Variants in ZNF652 observed in about 807,000 individuals in gnomAD.
The protein encoded by ZNF652 is zinc finger protein 652.
In ZNF652, 16 loss-of-function variants were observed where a neutral mutation model predicts 45.2. The ratio of observed to expected loss-of-function variants is 0.35; its 90% CI spans 0.24 to 0.54. The LOEUF (loss-of-function observed/expected upper bound fraction) is 0.54, where lower values mean the gene tolerates loss of function less well. Among genes scored for constraint, ZNF652 ranks in the 20% least tolerant of loss-of-function variants. ZNF652 has a pLI of 0.91. For synonymous variants in ZNF652, 250 were observed against 260.6 expected, an observed-to-expected ratio of 0.96 and a Z score of 0.39; for missense variants, 614 against 765.6, an observed-to-expected ratio of 0.80 and a Z score of 2.34.
At chr17:49,307,450 A>G (rs567782784) in intron 5 of ZNF652, among the ~76,000 whole-genome samples, 158 of 146,708 alleles carry the variant, frequency 1.1e-3, no homozygotes, top group African/African-American at 3.9e-3. Context: ...AAAAAAAAAA[A>G]AAAAAAAAAG....
intron 2 of ZNF652, among the ~76,000 whole-genome samples, chr17:49,313,484 G>C (rs2069747785): frequency 6.6e-6 from 1 of 152,082 alleles, no homozygotes; most frequent in Non-Finnish European, 1.5e-5. Context: ...AACAGAAGTT[G>C]CAAGACATTC....
At position 49,291,090 on chromosome 17, in the gene ZNF652, G is replaced by A. The variant is rs1300912283; in HGVS notation, c.*7323C>T. ...GTAAACACCAAAATTATGTCACACT[G>A]TTTCTTTTTAAACTAATGAATTGAA... On this transcript the variant is annotated 3_prime_UTR_variant, in exon 6 of 6. Coordinates refer to ENST00000430262, the MANE Select transcript of ZNF652 (RefSeq NM_001145365.3). The A allele has an allele frequency of 6.6e-6, 1 of 152,180 alleles. No individual in the cohort carries two copies. The highest frequency in any genetic ancestry group is 2.4e-5 in the African/African-American group (1 of 41,444). 9.4% of individuals were successfully genotyped at this position (152,180 alleles called of 1,614,324 possible).
chr17:49,311,425 T>C lies in ZNF652; in HGVS notation c.1196A>G (p.Gln399Arg). 6.2e-7 allele frequency: 1 copy of C among 1,614,196 alleles called. No homozygotes were observed. Among genetic ancestry groups the C allele is most frequent in the Non-Finnish European group, 8.5e-7 (1 of 1,180,008 alleles). Residue 399 changes from glutamine to arginine, a missense_variant, in exon 5 of 6, where the codon CAG becomes CGG. By Grantham distance (43) the Gln-to-Arg change is conservative (BLOSUM62 1). Around this residue, in one of 5 missense-constraint regions of ZNF652, gnomAD observed 81 missense variants for 167.0 expected, o/e 0.48. Coordinates refer to ENST00000430262, the MANE Select transcript of ZNF652 (RefSeq NM_001145365.3). Reference sequence around the variant, plus strand: ...ATGAATGCTCATGTGGGAGCGTAGCTGGTACTTGTACTGAAACCTTTCGTC... The same window carrying C: ...ATGAATGCTCATGTGGGAGCGTAGCCGGTACTTGTACTGAAACCTTTCGTC... ...NCDERFQYKY[Q>R]LRSHMSIHIG...
intron 1 of ZNF652, among the ~76,000 whole-genome samples, chr17:49,335,317 G>A (rs1331459015): frequency 6.6e-6 from 1 of 152,112 alleles, no homozygotes; most frequent in African/African-American, 2.4e-5. Flanking sequence ...GGCTCTATTT[G>A]GAACTCTTCC....
intron 1 of ZNF652, among the ~76,000 whole-genome samples, chr17:49,326,133 C>T (rs991668134): frequency 4.6e-5 from 7 of 151,126 alleles, no homozygotes; most frequent in African/African-American, 1.7e-4. Context: ...TAAGTATGGG[C>T]CAGGTACAGT....
At position 49,296,466 on chromosome 17, in the gene ZNF652, A is replaced by T. The variant is rs1339531114; in HGVS notation, c.*1947T>A. 2 of 152,654 alleles carry T rather than the reference A, an allele frequency of 1.3e-5. No individual in the cohort carries two copies. The highest frequency in any genetic ancestry group is 3.8e-4 in the East Asian group (2 of 5,206). The allele number at this position is 152,654 out of a possible 1,614,324, so 9.5% of individuals were successfully genotyped here. ...CATTAGTTAGAAAAGTGCTCGAAGC[A>T]TATCTGCACATTTAATATTAAAAAT... On this transcript the variant is annotated 3_prime_UTR_variant, in exon 6 of 6. Coordinates refer to ENST00000430262, the MANE Select transcript of ZNF652 (RefSeq NM_001145365.3).
intron 1 of ZNF652, among the ~76,000 whole-genome samples, chr17:49,333,144 G>A (rs1321049809): frequency 4.0e-5 from 6 of 151,524 alleles, no homozygotes; most frequent in African/African-American, 9.7e-5. Context: ...TGCAAGCTCC[G>A]TCTCCTGGGT....
Position 49,296,141 on chromosome 17 carries a change from A to G in ZNF652, c.*2272T>C, listed in dbSNP as rs1036175828. ...GGAGAGGGAGACAACCACTAAAGATATAACAGTCATATGCAAGGAATTAAC... is the reference window on the plus strand; with the variant it reads ...GGAGAGGGAGACAACCACTAAAGATGTAACAGTCATATGCAAGGAATTAAC... On this transcript the variant is annotated 3_prime_UTR_variant, in exon 6 of 6. Transcript: ENST00000430262. 1.3e-5 allele frequency: 2 copies of G among 152,344 alleles called. No individual in the cohort carries two copies. Among genetic ancestry groups the G allele is most frequent in the African/African-American group, 4.8e-5 (2 of 41,424 alleles). 9.4% of individuals were successfully genotyped at this position (152,344 alleles called of 1,614,324 possible).
In ZNF652 at chr17:49,317,755, C is replaced by G; in HGVS notation, c.-30G>C. Reference sequence around the variant, plus strand: ...AAGTGGCCCAATTTATTAAACAGTTCAGACTATAAAGAAATAGCTTTAAAA... The same window carrying G: ...AAGTGGCCCAATTTATTAAACAGTTGAGACTATAAAGAAATAGCTTTAAAA... On this transcript the variant is annotated 5_prime_UTR_variant, in exon 2 of 6. Transcript: ENST00000430262. 2 of 1,519,814 alleles carry G rather than the reference C, an allele frequency of 1.3e-6. No individual in the cohort carries two copies. Among genetic ancestry groups the G allele is most frequent in the Non-Finnish European group, 1.8e-6 (2 of 1,133,228 alleles). 94.1% of individuals were successfully genotyped at this position (1,519,814 alleles called of 1,614,324 possible). A position where few individuals can be genotyped will look rare whatever the true frequency, so the allele number is the denominator to read the frequency against.
intron 1 of ZNF652, among the ~76,000 whole-genome samples, chr17:49,338,806 G>A (rs1268146260): frequency 6.6e-6 from 1 of 152,060 alleles, no homozygotes; most frequent in Middle Eastern, 3.2e-3. Context: ...AAGCCTTAGG[G>A]CACCCCAAGG....
chr17:49,328,199 A>G (rs911414574), intron 1 of ZNF652, among the ~76,000 whole-genome samples: 2 of 152,036 alleles, frequency 1.3e-5, no homozygotes, highest in Admixed American at 1.3e-4. Flanking sequence ...CAGTGGCAGT[A>G]TGTGAAGGGA....
chr17:49,312,353 A>G (rs1264177549), intron 3 of ZNF652, among the ~76,000 whole-genome samples: 1 of 151,720 alleles, frequency 6.6e-6, no homozygotes, highest in Non-Finnish European at 1.5e-5. Context: ...TTTAGTAGAG[A>G]CAGGGTTTCG....
intron 1 of ZNF652, among the ~76,000 whole-genome samples, chr17:49,345,044 C>T (rs1392024008): frequency 6.6e-6 from 1 of 152,122 alleles, no homozygotes; most frequent in Non-Finnish European, 1.5e-5. Context: ...CTAAGGCCCA[C>T]TGGCTAAAAG....
At chr17:49,356,893 A>G (rs1320989059) in intron 1 of ZNF652, among the ~76,000 whole-genome samples, 1 of 152,078 alleles carries the variant, frequency 6.6e-6, no homozygotes, top group Admixed American at 6.5e-5. Flanking sequence ...TTCTATAGTA[A>G]CCTAAGAAAT....
chr17:49,306,590 A>G (rs1304682505), intron 5 of ZNF652, among the ~76,000 whole-genome samples: 1 of 152,106 alleles, frequency 6.6e-6, no homozygotes, highest in African/African-American at 2.4e-5. Flanking sequence ...CCTGGTCGCA[A>G]ATAAGTATTT....
At chr17:49,324,070 C>T (rs1290826643) in intron 1 of ZNF652, among the ~76,000 whole-genome samples, 3 of 152,178 alleles carry the variant, frequency 2.0e-5, no homozygotes, top group Non-Finnish European at 2.9e-5. Flanking sequence ...CATCTTCTTT[C>T]GATATAAGGC....
intron 1 of ZNF652, among the ~76,000 whole-genome samples, chr17:49,342,554 A>G (rs957755625): frequency 1.9e-5 from 2 of 102,698 alleles, no homozygotes; most frequent in Non-Finnish European, 3.9e-5. Context: ...TAACAGATAA[A>G]GGGGGGGGGG....
intron 1 of ZNF652, 48 bp from the exon 2 acceptor site, chr17:49,318,031 C>T (rs2069835122): frequency 4.5e-6 from 1 of 224,030 alleles, no homozygotes; most frequent in African/African-American, 2.3e-5. Context: ...ACCACTATTT[C>T]CTTTTTAGAG....
rs747316736 is a variant in ZNF652, at chr17:49,292,768, C to A, written c.*5645G>T. On this transcript the variant is annotated 3_prime_UTR_variant, in exon 6 of 6. Coordinates refer to ENST00000430262, the MANE Select transcript of ZNF652 (RefSeq NM_001145365.3). The stretch of plus-strand genomic sequence containing the variant: ...AGGATAAAATCTTTCAACAGAGAGA[C>A]GAAATATGTGAAGAAATAAGATATA... 4.0e-5 allele frequency among the ~76,000 whole-genome samples: 6 copies of A among 151,822 alleles called. No homozygotes were observed. The highest frequency in any genetic ancestry group is 1.5e-4 in the African/African-American group (6 of 41,278).
Sources: allele counts gnomAD v4.1 joint callset (sites outside exome capture counted in the v4.1 genomes callset), GRCh38; gene constraint gnomAD v4.1.1; regional missense constraint gnomAD v4.1.1; transcripts MANE v1.5; gene names NCBI Gene and HGNC (gene_info 2026-07-23, HGNC 2026-07-21).